The following SPAG16 variants were observed in gnomAD, a reference collection of about 807,000 sequenced individuals.
The protein encoded by SPAG16 is sperm associated antigen 16.
SPAG16 carries 86 observed loss-of-function variants against 80.4 expected under a neutral mutation model. That is an observed-to-expected ratio of 1.07 (90% CI 0.90 to 1.28). The LOEUF (loss-of-function observed/expected upper bound fraction) is 1.28, where lower values mean the gene tolerates loss of function less well. SPAG16 is among the 50% of genes most tolerant of loss of function. The pLI, the probability that SPAG16 is intolerant of heterozygous loss-of-function variation, is 0.00. For missense variants in SPAG16, 870 were observed against 765.3 expected, an observed-to-expected ratio of 1.14 and a Z score of -1.61; for synonymous variants, 294 against 265.9, an observed-to-expected ratio of 1.11 and a Z score of -1.03.
intron 15 of SPAG16, among the ~76,000 whole-genome samples, chr2:214,311,236 T>C (rs1050615360): frequency 1.3e-5 from 2 of 152,158 alleles, no homozygotes; most frequent in African/African-American, 4.8e-5. Flanking sequence ...CGAAGGACTA[T>C]ACCTCTAGGG....
intron 10 of SPAG16, among the ~76,000 whole-genome samples, chr2:213,834,067 G>T (rs1008852891): frequency 2.0e-5 from 3 of 152,082 alleles, no homozygotes; most frequent in Non-Finnish European, 4.4e-5. Context: ...CATGAGCTCT[G>T]ATGGGTCTAT....
chr2:214,331,025 T>C (rs985828153), intron 15 of SPAG16, among the ~76,000 whole-genome samples: 7 of 152,202 alleles, frequency 4.6e-5, no homozygotes, highest in Admixed American at 3.3e-4. Context: ...CTGAGGTTAC[T>C]CATTGATTCT....
At chr2:213,603,007 A>G (rs534714467) in intron 10 of SPAG16, among the ~76,000 whole-genome samples, 1 of 152,356 alleles carries the variant, frequency 6.6e-6, no homozygotes, top group Non-Finnish European at 1.5e-5. Flanking sequence ...TTTCGCAATA[A>G]CAAATAACTT....
At chr2:214,231,760 T>C (rs960588095) in intron 15 of SPAG16, among the ~76,000 whole-genome samples, 2 of 152,104 alleles carry the variant, frequency 1.3e-5, no homozygotes, top group Non-Finnish European at 2.9e-5. Flanking sequence ...TTGCCAGTTT[T>C]CCTTGGGGAC....
chr2:213,504,851 A>G (rs1033108071), intron 10 of SPAG16, among the ~76,000 whole-genome samples: 15 of 152,222 alleles, frequency 9.9e-5, no homozygotes, highest in African/African-American at 3.1e-4. Context: ...ATACATTTAT[A>G]GGAGCCCATT....
intron 10 of SPAG16, among the ~76,000 whole-genome samples, chr2:213,799,185 A>G (rs1460251169): frequency 6.6e-6 from 1 of 152,190 alleles, no homozygotes; most frequent in African/African-American, 2.4e-5. Flanking sequence ...TAACAATATT[A>G]AGTCTTCTGA....
intron 15 of SPAG16, among the ~76,000 whole-genome samples, chr2:214,254,508 T>G (rs1178706767): frequency 2.0e-5 from 3 of 152,122 alleles, no homozygotes; most frequent in African/African-American, 7.2e-5. Context: ...GCTGTTGAAT[T>G]TAGGCGGGCT....
At position 214,169,072 on chromosome 2, in the gene SPAG16, C is replaced by G. The variant is rs2056778239; in HGVS notation, c.1720+19806C>G. ...TATTAATGGTTTCCAGAAACACCAT[C>G]TTTCTTTTGTAGGTTAGAACATTAT... On this transcript the variant is annotated intron_variant, in intron 15 of 15. Transcript: ENST00000331683. Among the ~76,000 whole-genome samples the G allele has an allele frequency of 3.9e-5, 6 of 152,172 alleles. No individual in the cohort carries two copies. The South Asian group carries it at 1.2e-3, about 32-fold the overall frequency.
chr2:213,884,800 T>C (rs2076490097), intron 11 of SPAG16, among the ~76,000 whole-genome samples: 1 of 152,204 alleles, frequency 6.6e-6, no homozygotes. Context: ...CTTCCAATTG[T>C]ATTATGAAAT....
intron 15 of SPAG16, among the ~76,000 whole-genome samples, chr2:214,399,269 G>A (rs1701575957): frequency 6.6e-6 from 1 of 152,076 alleles, no homozygotes; most frequent in African/African-American, 2.4e-5. Context: ...TTTTGCTCTT[G>A]TGAGGAGGGT....
At chr2:213,606,963 A>G (rs1025580186) in intron 10 of SPAG16, among the ~76,000 whole-genome samples, 3 of 152,250 alleles carry the variant, frequency 2.0e-5, no homozygotes, top group Non-Finnish European at 2.9e-5. Flanking sequence ...GCAAAATATT[A>G]TCATGGAAGA....
intron 5 of SPAG16, among the ~76,000 whole-genome samples, chr2:213,320,748 CT>C (rs1222535607): frequency 6.6e-6 from 1 of 151,918 alleles, no homozygotes; most frequent in East Asian, 1.9e-4. Flanking sequence ...GGATTTCATT[CT>C]TTTTTTAAAA....
chr2:213,831,637 T>A (rs2073663970), intron 10 of SPAG16, among the ~76,000 whole-genome samples: 1 of 152,162 alleles, frequency 6.6e-6, no homozygotes, highest in Non-Finnish European at 1.5e-5. Context: ...ATTCTGCATG[T>A]TCGTTTTTAC....
chr2:214,311,864 T>C (rs1423286134), intron 15 of SPAG16: 2 of 152,224 alleles, frequency 1.3e-5, no homozygotes, highest in Non-Finnish European at 2.9e-5. Flanking sequence ...CTCTCTCTTT[T>C]GTGGCTGAAA....
chr2:214,169,594 CG>C (rs2056797158), intron 15 of SPAG16, among the ~76,000 whole-genome samples: 1 of 151,916 alleles, frequency 6.6e-6, no homozygotes, highest in African/African-American at 2.4e-5. Context: ...GAGTGTAAGA[CG>C]AACGGCTGTT....
chr2:213,494,374 T>C (rs2074393304), intron 10 of SPAG16, among the ~76,000 whole-genome samples: 1 of 152,234 alleles, frequency 6.6e-6, no homozygotes, highest in Non-Finnish European at 1.5e-5. Context: ...AGACCTAATC[T>C]TCTCCTTATC....
chr2:213,631,996 AT>A (rs918790104), intron 10 of SPAG16, among the ~76,000 whole-genome samples: 9 of 151,438 alleles, frequency 5.9e-5, no homozygotes, highest in Admixed American at 2.0e-4. Context: ...AAATATTAGG[AT>A]TTTTTTTCTA....
At chr2:214,391,390 T>C (rs964202983) in intron 15 of SPAG16, among the ~76,000 whole-genome samples, 2 of 152,216 alleles carry the variant, frequency 1.3e-5, no homozygotes, top group Admixed American at 6.5e-5. Flanking sequence ...TCTGATGAAA[T>C]AAATTTTAAA....
chr2:213,966,145 C>T (rs1458953096), intron 12 of SPAG16, among the ~76,000 whole-genome samples: 1 of 152,134 alleles, frequency 6.6e-6, no homozygotes, highest in Non-Finnish European at 1.5e-5. Flanking sequence ...TAGCACTAGA[C>T]TGGGCTCTGG....
Sources: allele counts gnomAD v4.1 joint callset (sites outside exome capture counted in the v4.1 genomes callset), GRCh38; gene constraint gnomAD v4.1.1; transcripts MANE v1.5; gene names NCBI Gene and HGNC (gene_info 2026-07-23, HGNC 2026-07-21).